The following FAM227B variants were observed in gnomAD, a reference collection of about 807,000 sequenced individuals.
The protein encoded by FAM227B is family with sequence similarity 227 member B, also known as protein FAM227B.
Under a neutral mutation model 73.8 loss-of-function variants are expected in FAM227B, and 88 were observed. That is an observed-to-expected ratio of 1.19 (90% CI 1.00 to 1.42). The LOEUF (loss-of-function observed/expected upper bound fraction) is 1.42. FAM227B is among the 40% of genes most tolerant of loss of function. The probability of loss-of-function intolerance (pLI) is 0.00; values close to 1 mark genes in which losing one functional copy is unlikely to be tolerated. For missense variants in FAM227B, 632 were observed against 590.9 expected (o/e 1.07, Z -0.72); for synonymous variants, 210 against 190.5 (o/e 1.10, Z -0.84).
chr15:49,620,016 GT>G (rs372457841), intron 1 of FAM227B: 17 of 151,930 alleles, frequency 1.1e-4, no homozygotes, highest in African/African-American at 4.1e-4. Context: ...TTTTTTTTAA[GT>G]TTAAAGAGAT....
At chr15:49,614,343 T>C (rs966670809) in intron 2 of FAM227B, among the ~76,000 whole-genome samples, 8 of 152,194 alleles carry the variant, frequency 5.3e-5, no homozygotes, top group African/African-American at 1.9e-4. Flanking sequence ...TATTTTTCTA[T>C]GGGGTTAGTG....
At chr15:49,600,331 T>C (rs1051789573) in intron 3 of FAM227B, among the ~76,000 whole-genome samples, 4 of 151,510 alleles carry the variant, frequency 2.6e-5, no homozygotes, top group Non-Finnish European at 5.9e-5. Context: ...GTATGCAGCA[T>C]ATAGCTGTTT....
chr15:49,581,875 G>A (rs2075834187), intron 5 of FAM227B, among the ~76,000 whole-genome samples: 1 of 152,064 alleles, frequency 6.6e-6, no homozygotes, highest in African/African-American at 2.4e-5. Flanking sequence ...AATCAAGTCT[G>A]CATAATAACA....
chr15:49,488,206 A>G (rs1206357348), intron 11 of FAM227B: 4 of 151,918 alleles, frequency 2.6e-5, no homozygotes, highest in African/African-American at 4.8e-5. Flanking sequence ...TGAATTCTCA[A>G]TATGTATCTT....
intron 11 of FAM227B, among the ~76,000 whole-genome samples, chr15:49,415,326 T>A (rs773781220): frequency 6.6e-6 from 1 of 152,154 alleles, no homozygotes; most frequent in African/African-American, 2.4e-5. Context: ...CTTCTAGGGA[T>A]GAAGCAAAAT....
chr15:49,348,269 A>AT (rs1404815093), intron 13 of FAM227B, among the ~76,000 whole-genome samples: 1 of 152,176 alleles, frequency 6.6e-6, no homozygotes, highest in Non-Finnish European at 1.5e-5. Context: ...TACCCTCCAC[A>AT]AAGCTATTCC....
intron 13 of FAM227B, among the ~76,000 whole-genome samples, chr15:49,361,168 T>G (rs1045350719): frequency 6.6e-6 from 1 of 152,294 alleles, no homozygotes; most frequent in East Asian, 1.9e-4. Context: ...TTTTACCCCA[T>G]AAATATATAC....
At chr15:49,363,574 G>A (rs566187226) in intron 13 of FAM227B, among the ~76,000 whole-genome samples, 1 of 152,258 alleles carries the variant, frequency 6.6e-6, no homozygotes, top group South Asian at 2.1e-4. Context: ...TATAAACAAG[G>A]ATAGTTTAAC....
chr15:49,460,844 ATTGT>A (rs2053727910), intron 11 of FAM227B, among the ~76,000 whole-genome samples: 1 of 152,122 alleles, frequency 6.6e-6, no homozygotes, highest in South Asian at 2.1e-4. Context: ...AAAGAAGAAC[ATTGT>A]TTGTTTGATT....
intron 10 of FAM227B, among the ~76,000 whole-genome samples, chr15:49,510,381 GA>G (rs1455314406): frequency 2.6e-5 from 4 of 152,016 alleles, no homozygotes; most frequent in African/African-American, 9.7e-5. Context: ...ATTTTCTTAA[GA>G]AAATTTTTTT....
chr15:49,597,152 A>C (rs1241721183), intron 3 of FAM227B, among the ~76,000 whole-genome samples: 1 of 152,068 alleles, frequency 6.6e-6, no homozygotes, highest in East Asian at 1.9e-4. Flanking sequence ...CATACTGGCC[A>C]ACAAATGCAG....
intron 11 of FAM227B, among the ~76,000 whole-genome samples, chr15:49,435,073 TA>T (rs1178869810): frequency 6.6e-6 from 1 of 151,464 alleles, no homozygotes; most frequent in Non-Finnish European, 1.5e-5. Context: ...ACATACAAAA[TA>T]GTATACATTA....
At chr15:49,418,800 G>T (rs188666699) in intron 11 of FAM227B, among the ~76,000 whole-genome samples, 2 of 134,188 alleles carry the variant, frequency 1.5e-5, no homozygotes, top group African/African-American at 5.1e-5. Flanking sequence ...GAAAAAAAAA[G>T]AAATATGTGT....
At chr15:49,413,620 C>T (rs887071016) in intron 11 of FAM227B, among the ~76,000 whole-genome samples, 1 of 151,982 alleles carries the variant, frequency 6.6e-6, no homozygotes. Flanking sequence ...TTGCCATCTC[C>T]CAAACATTCT....
intron 11 of FAM227B, among the ~76,000 whole-genome samples, chr15:49,418,764 C>T (rs540296466): frequency 5.9e-5 from 9 of 151,588 alleles, no homozygotes; most frequent in Non-Finnish European, 1.2e-4. Context: ...TGCACATGTA[C>T]CCCTGAACCT....
At chr15:49,403,984 ACTT>A (rs1164511142) in intron 11 of FAM227B, among the ~76,000 whole-genome samples, 2 of 152,156 alleles carry the variant, frequency 1.3e-5, no homozygotes, top group Non-Finnish European at 2.9e-5. Context: ...ATTTCAAAGA[ACTT>A]CTTAATTTCT....
intron 11 of FAM227B, among the ~76,000 whole-genome samples, chr15:49,447,792 C>T (rs1024350322): frequency 2.0e-5 from 3 of 151,692 alleles, no homozygotes; most frequent in Non-Finnish European, 3.0e-5. Flanking sequence ...ACTAACTGGT[C>T]ACCAACATGA....
intron 12 of FAM227B, among the ~76,000 whole-genome samples, chr15:49,369,522 G>A (rs2045657897): frequency 6.6e-6 from 1 of 152,124 alleles, no homozygotes; most frequent in African/African-American, 2.4e-5. Flanking sequence ...TCCAAGGGGT[G>A]ATTTGGGTAC....
chr15:49,533,905 T>C (rs2060809614), intron 10 of FAM227B, among the ~76,000 whole-genome samples: 1 of 151,878 alleles, frequency 6.6e-6, no homozygotes, highest in South Asian at 2.1e-4. Context: ...CCTACCATTT[T>C]GTTTTTCGTT....
Sources: gnomAD v4.1 joint callset for allele counts (sites outside exome capture counted in the v4.1 genomes callset) on GRCh38, gnomAD v4.1.1 for gene constraint, MANE v1.5 for transcripts, NCBI Gene and HGNC (gene_info 2026-07-23, HGNC 2026-07-21) for gene names.